RAP1GAP2: variants seen among roughly 807,000 people sequenced by gnomAD.
RAP1GAP2 encodes RAP1 GTPase activating protein 2.
In RAP1GAP2, 27 loss-of-function variants were observed where a neutral mutation model predicts 95.0. That is an observed-to-expected ratio of 0.28 (90% CI 0.21 to 0.39). RAP1GAP2 has a LOEUF of 0.39. RAP1GAP2 is among the 10% of genes least tolerant of loss of function. The probability of loss-of-function intolerance (pLI) is 1.00; values close to 1 mark genes in which losing one functional copy is unlikely to be tolerated. For missense variants in RAP1GAP2, 771 were observed against 970.0 expected, an observed-to-expected ratio of 0.79 and a Z score of 2.72; for synonymous variants, 373 against 380.9, an observed-to-expected ratio of 0.98 and a Z score of 0.24.
At chr17:2,951,245 TTTCTGTCTTTGCCCA>T (rs1223222620) in intron 3 of RAP1GAP2, among the ~76,000 whole-genome samples, 1 of 152,242 alleles carries the variant, frequency 6.6e-6, no homozygotes, top group African/African-American at 2.4e-5. Context: ...CTGCTTCTCT[TTTCTGTCTTTGCCCA>T]TTCAGTTCCT....
intron 1 of RAP1GAP2, among the ~76,000 whole-genome samples, chr17:2,760,846 CCACT>C (rs927737745): frequency 3.3e-5 from 5 of 152,150 alleles, no homozygotes; most frequent in Admixed American, 2.0e-4. Context: ...TTGTAGATTG[CCACT>C]CACTCAGTTG....
chr17:2,898,837 G>A (rs1457004482), intron 2 of RAP1GAP2, among the ~76,000 whole-genome samples: 1 of 149,582 alleles, frequency 6.7e-6, no homozygotes, highest in Non-Finnish European at 1.5e-5. Context: ...CCCATGAGGC[G>A]AGGAGTAGTC....
rs1052475760 is a variant in RAP1GAP2, at chr17:3,004,390, G to A, written c.1201-979G>A. On this transcript the variant is annotated intron_variant, in intron 14 of 24. Coordinates refer to ENST00000254695, the MANE Select transcript of RAP1GAP2 (RefSeq NM_015085.5). The surrounding 1 kb of genome is among the most constrained non-coding windows in gnomAD (Gnocchi z 4.1). ...GCCCAGCTGCCTGCTCACCCGGCCT[G>A]GCAGACTCTGCATCTGCTCCACTTC... 6.6e-6 allele frequency among the ~76,000 whole-genome samples: 1 copy of A among 152,244 alleles called. No individual in the cohort carries two copies. The highest frequency in any genetic ancestry group is 2.4e-5 in the African/African-American group (1 of 41,464).
chr17:3,017,521 C>T (rs1410377682), intron 17 of RAP1GAP2, among the ~76,000 whole-genome samples: 1 of 152,186 alleles, frequency 6.6e-6, no homozygotes, highest in Non-Finnish European at 1.5e-5. Context: ...TTGCCCAGAG[C>T]ACACTTTGGG....
rs2072665831 is a variant in RAP1GAP2, at chr17:2,867,568, T to A, written c.81-37716T>A. Among the ~76,000 whole-genome samples, 1 of 152,140 alleles carries A rather than the reference T, an allele frequency of 6.6e-6. No individual in the cohort carries two copies. Among genetic ancestry groups the A allele is most frequent in the African/African-American group, 2.4e-5 (1 of 41,426 alleles). ...GGGATGGCTCACCCTGGACAGAAAG[T>A]GAGTCACATACGCATCCCTGAACTT... On this transcript the variant is annotated intron_variant, in intron 2 of 24. Transcript: ENST00000254695. This position sits in a 1 kb window ranked among gnomAD's most constrained non-coding sequence, Gnocchi z 4.5.
At chr17:2,976,092 AC>A (rs1316664240) in intron 8 of RAP1GAP2, among the ~76,000 whole-genome samples, 1 of 152,208 alleles carries the variant, frequency 6.6e-6, no homozygotes, top group Non-Finnish European at 1.5e-5. Context: ...AAAAAGCAAA[AC>A]TGAGAGAAAT....
At chr17:2,991,010 A>G (rs2045732905) in intron 11 of RAP1GAP2, among the ~76,000 whole-genome samples, 1 of 151,714 alleles carries the variant, frequency 6.6e-6, no homozygotes, top group African/African-American at 2.4e-5. Flanking sequence ...ATGCCCAGTT[A>G]CTTTTTGTAT....
rs183703637 is a variant in RAP1GAP2, at chr17:2,925,440, G to A, written c.165+20072G>A. On this transcript the variant is annotated intron_variant, in intron 3 of 24. Transcript: ENST00000254695. ...TCACAAGGCAGCAGGAAAGAGAAGA[G>A]CGAAGGAGGAGCTTCCAAACACGTA... 1.8e-3 allele frequency among the ~76,000 whole-genome samples: 267 copies of A among 152,268 alleles called. 1 individual carries two copies. The highest frequency in any genetic ancestry group is 5.9e-3 in the African/African-American group (244 of 41,546).
intron 1 of RAP1GAP2, among the ~76,000 whole-genome samples, chr17:2,767,439 T>C (rs2068298347): frequency 7.0e-6 from 1 of 142,966 alleles, no homozygotes; most frequent in Admixed American, 7.1e-5. Context: ...TGTGAAAAGG[T>C]CACTTTCCCA....
chr17:3,014,915 T>G (rs1255546509), intron 17 of RAP1GAP2, among the ~76,000 whole-genome samples: 2 of 152,172 alleles, frequency 1.3e-5, no homozygotes, highest in South Asian at 2.1e-4. Context: ...GCGGCCAGGC[T>G]TGGTGGCTCA....
At chr17:2,945,687 T>G (rs565384856) in intron 3 of RAP1GAP2, among the ~76,000 whole-genome samples, 53 of 152,242 alleles carry the variant, frequency 3.5e-4, no homozygotes, top group Non-Finnish European at 6.6e-4. Context: ...CATGAAAGGA[T>G]ATTAGCTTTT....
Position 3,026,961 on chromosome 17 carries a change from G to A in RAP1GAP2, c.1998G>A (p.Thr666=), listed in dbSNP as rs945627704. The A allele has an allele frequency of 2.6e-6, 4 of 1,552,934 alleles. No individual in the cohort carries two copies. Among genetic ancestry groups the A allele is most frequent in the African/African-American group, 1.4e-5 (1 of 73,196 alleles). Residue 666 remains threonine (T), a synonymous_variant, in exon 22 of 25, where the codon ACG becomes ACA. Coordinates refer to ENST00000254695, the MANE Select transcript of RAP1GAP2 (RefSeq NM_015085.5). ...CTCCTCAGGGCAGCCAGCCGTCCAC[G>A]ACCTCACCCTTCAAGCAGGAGGTGT... ...EGDSGGSQPS[T]TSPFKQEVFV...
chr17:2,809,015 G>A (rs980046318), intron 2 of RAP1GAP2, among the ~76,000 whole-genome samples: 1 of 152,204 alleles, frequency 6.6e-6, no homozygotes, highest in Admixed American at 6.5e-5. Flanking sequence ...CGCTTAGCCG[G>A]TGGTTGGCTT....
At chr17:2,843,213 G>A (rs866919698) in intron 2 of RAP1GAP2, among the ~76,000 whole-genome samples, 1 of 151,954 alleles carries the variant, frequency 6.6e-6, no homozygotes, top group South Asian at 2.1e-4. Context: ...GCAGGTGAGT[G>A]GTCAAGGAAG....
intron 8 of RAP1GAP2, among the ~76,000 whole-genome samples, chr17:2,976,166 C>T (rs140774206): frequency 4.0e-4 from 61 of 152,162 alleles, no homozygotes; most frequent in African/African-American, 1.3e-3. Flanking sequence ...GCTGAGAACC[C>T]GGTGGATTGA....
At chr17:2,976,668 TAGAA>T (rs1470843429) in intron 8 of RAP1GAP2, among the ~76,000 whole-genome samples, 9 of 149,548 alleles carry the variant, frequency 6.0e-5, no homozygotes, top group Non-Finnish European at 5.9e-5. Flanking sequence ...CTGAAGAAAA[TAGAA>T]GGAAGGAAAT....
intron 3 of RAP1GAP2, among the ~76,000 whole-genome samples, chr17:2,909,448 G>A (rs1215960615): frequency 6.6e-6 from 1 of 152,184 alleles, no homozygotes; most frequent in African/African-American, 2.4e-5. Flanking sequence ...CGGTACTTGT[G>A]AGGTGGGGAG....
intron 5 of RAP1GAP2, 190 bp downstream of exon 5, chr17:2,962,904 T>C: frequency 3.3e-6 from 2 of 606,290 alleles, no homozygotes; most frequent in South Asian, 2.3e-5. Context: ...GGTCCTGGCT[T>C]GATGCCTTAG....
chr17:2,934,814 G>A (rs73294672), intron 3 of RAP1GAP2, among the ~76,000 whole-genome samples: 5,754 of 152,276 alleles, frequency 0.038, 373 homozygotes, highest in African/African-American at 0.13. Flanking sequence ...AATCTGGTGC[G>A]TGCACAACTG....
Sources: gnomAD v4.1 joint callset for allele counts (sites outside exome capture counted in the v4.1 genomes callset) on GRCh38, gnomAD v4.1.1 for gene constraint, Gnocchi (gnomAD v3.1) non-coding constraint, MANE v1.5 for transcripts, NCBI Gene and HGNC (gene_info 2026-07-23, HGNC 2026-07-21) for gene names.